The following BRD10 variants were observed in gnomAD, a reference collection of about 807,000 sequenced individuals.
The protein encoded by BRD10 is uncharacterized bromodomain-containing protein 10.
chr9:5,926,841 T>A, the BRD10 span, among the ~76,000 whole-genome samples: 2 of 152,174 alleles, frequency 1.3e-5, no homozygotes, highest in African/African-American at 2.4e-5. Context: ...TTCCAAAACA[T>A]TAAAATTCCT....
At chr9:5,892,589 G>A in the BRD10 span, 1 of 1,583,800 alleles carries the variant, frequency 6.3e-7, no homozygotes, top group African/African-American at 1.4e-5. Context: ...CTTCCAGTTT[G>A]CCGTTTGCTG....
the BRD10 span, chr9:5,919,576 ACACACAC>A: frequency 2.1e-6 from 2 of 952,578 alleles, no homozygotes; most frequent in Non-Finnish European, 3.1e-6. Flanking sequence ...ACACACACAC[ACACACAC>A]AATGTATAGT....
At chr9:6,000,102 C>G in the BRD10 span, among the ~76,000 whole-genome samples, 3 of 152,068 alleles carry the variant, frequency 2.0e-5, no homozygotes. Flanking sequence ...AAAATGAAAA[C>G]TACCTAGGAT....
At chr9:5,905,345 A>AT in the BRD10 span, among the ~76,000 whole-genome samples, 1 of 152,176 alleles carries the variant, frequency 6.6e-6, no homozygotes, top group Non-Finnish European at 1.5e-5. Flanking sequence ...GAGATGCCTC[A>AT]TTATACTCCC....
At chr9:5,891,915 C>T in the BRD10 span, among the ~76,000 whole-genome samples, 1 of 152,182 alleles carries the variant, frequency 6.6e-6, no homozygotes, top group Admixed American at 6.5e-5. Flanking sequence ...ATGTTGTGCT[C>T]AGTGCTCAAC....
the BRD10 span, among the ~76,000 whole-genome samples, chr9:6,005,860 C>G: frequency 6.6e-6 from 1 of 152,282 alleles, no homozygotes; most frequent in Admixed American, 6.5e-5. Context: ...AATAATTATT[C>G]TATTACTAAA....
the BRD10 span, among the ~76,000 whole-genome samples, chr9:5,929,798 C>T: frequency 6.6e-6 from 1 of 152,022 alleles, no homozygotes; most frequent in Admixed American, 6.6e-5. Context: ...TACAAAAAGC[C>T]TTCTGAGATG....
chr9:5,920,239 A>C, the BRD10 span: 1 of 1,613,892 alleles, frequency 6.2e-7, no homozygotes, highest in Non-Finnish European at 8.5e-7. Flanking sequence ...AGGGGGCTCC[A>C]TATTTTGGAT....
the BRD10 span, among the ~76,000 whole-genome samples, chr9:6,002,619 A>C: frequency 6.6e-6 from 1 of 152,110 alleles, no homozygotes; most frequent in South Asian, 2.1e-4. Flanking sequence ...ATTCATTTTT[A>C]ATTTGATTAC....
At chr9:5,921,319 T>G in the BRD10 span, 5 of 1,613,972 alleles carry the variant, frequency 3.1e-6, no homozygotes, top group East Asian at 1.1e-4. Flanking sequence ...AATTTATTTT[T>G]ATTGGTGTGC....
At chr9:5,914,165 C>T in the BRD10 span, 1 of 384,846 alleles carries the variant, frequency 2.6e-6, no homozygotes, top group Non-Finnish European at 5.1e-6. Flanking sequence ...TGCAGGGGAT[C>T]CCATGCATCA....
the BRD10 span, among the ~76,000 whole-genome samples, chr9:5,894,741 C>A: frequency 6.6e-6 from 1 of 152,308 alleles, no homozygotes; most frequent in Non-Finnish European, 1.5e-5. This position sits in a 1 kb window ranked among gnomAD's most constrained non-coding sequence, Gnocchi z 4.0. Context: ...GAAGGAGCTG[C>A]TCCTTCTTGA....
chr9:6,002,775 T>G, the BRD10 span, among the ~76,000 whole-genome samples: 1 of 151,828 alleles, frequency 6.6e-6, no homozygotes, highest in Non-Finnish European at 1.5e-5. Flanking sequence ...CTTCCAGGTT[T>G]GAGTGATTCT....
the BRD10 span, among the ~76,000 whole-genome samples, chr9:5,914,409 GGTTTTTTTTT>G: frequency 5.6e-5 from 6 of 106,966 alleles, no homozygotes; most frequent in East Asian, 6.0e-4. Flanking sequence ...AAATCCAGAT[GGTTTTTTTTT>G]TTTTTTTTTT....
chr9:5,966,556 T>C, the BRD10 span, among the ~76,000 whole-genome samples: 2 of 138,038 alleles, frequency 1.4e-5, no homozygotes, highest in African/African-American at 2.7e-5. Context: ...GCCTCCCGGG[T>C]TGAAGCAATT....
chr9:5,890,237 G>A, the BRD10 span, among the ~76,000 whole-genome samples: 1 of 152,092 alleles, frequency 6.6e-6, no homozygotes, highest in African/African-American at 2.4e-5. Context: ...CAATGACATG[G>A]GCACCTTACC....
the BRD10 span, among the ~76,000 whole-genome samples, chr9:5,907,440 C>T: frequency 6.6e-6 from 1 of 152,112 alleles, no homozygotes; most frequent in Non-Finnish European, 1.5e-5. Context: ...TCACATGGTG[C>T]TATTGAACAC....
the BRD10 span, chr9:6,007,110 G>T: frequency 7.2e-7 from 1 of 1,385,540 alleles, no homozygotes; most frequent in Non-Finnish European, 1.0e-6. Context: ...CCGCCCCCAG[G>T]CCCCTGGCCC....
chr9:5,935,053 G>A, the BRD10 span, among the ~76,000 whole-genome samples: 37 of 152,062 alleles, frequency 2.4e-4, no homozygotes, highest in African/African-American at 8.9e-4. Context: ...TGTTAATCAT[G>A]TTGGTACACA....
Sources: gnomAD v4.1 joint callset for allele counts (sites outside exome capture counted in the v4.1 genomes callset) on GRCh38, gnomAD v4.1.1 for gene constraint, Gnocchi (gnomAD v3.1) non-coding constraint, MANE v1.5 for transcripts, NCBI Gene and HGNC (gene_info 2026-07-23, HGNC 2026-07-21) for gene names.